Variants in MAGI2 observed in about 807,000 individuals in gnomAD.
The protein encoded by MAGI2 is membrane-associated guanylate kinase, WW and PDZ domain-containing protein 2.
A neutral mutation model predicts 133.3 loss-of-function variants in MAGI2; 35 were observed. The ratio of observed to expected loss-of-function variants is 0.26; its 90% CI spans 0.20 to 0.35. The LOEUF is 0.35. Among genes scored for constraint, MAGI2 ranks in the 10% least tolerant of loss-of-function variants. The pLI is 1.00. For synonymous variants in MAGI2, 729 were observed against 710.6 expected, an observed-to-expected ratio of 1.03 and a Z score of -0.41; for missense variants, 1,636 against 1,863.4, an observed-to-expected ratio of 0.88 and a Z score of 2.25.
chr7:78,252,342 A>T (rs917527086), intron 10 of MAGI2: 3 of 152,118 alleles, frequency 2.0e-5, no homozygotes, highest in Non-Finnish European at 2.9e-5. Context: ...ATGGAACAGA[A>T]TAGGGCATCT....
chr7:78,896,429 T>A (rs1797219660), intron 2 of MAGI2, among the ~76,000 whole-genome samples: 1 of 151,726 alleles, frequency 6.6e-6, no homozygotes, highest in Admixed American at 6.6e-5. Context: ...AAGCTCCTCA[T>A]TGTAAAATAA....
Position 78,323,740 on chromosome 7 carries a change from T to C in MAGI2, c.1408+20038A>G, listed in dbSNP as rs117516365. 3.9e-5 allele frequency among the ~76,000 whole-genome samples: 6 copies of C among 152,334 alleles called. No homozygotes were observed. In the East Asian group the frequency reaches 1.2e-3, roughly 29 times the overall value. On this transcript the variant is annotated intron_variant, in intron 9 of 21. Coordinates refer to ENST00000354212, the MANE Select transcript of MAGI2 (RefSeq NM_012301.4). Reference sequence around the variant, plus strand: ...TCTAAAATTGTGCTTAATTTGGTAATCTAAATGACATAAAAATTATTGCAT... The same window carrying C: ...TCTAAAATTGTGCTTAATTTGGTAACCTAAATGACATAAAAATTATTGCAT...
At chr7:78,021,743 G>C (rs1011106912) in intron 21 of MAGI2, among the ~76,000 whole-genome samples, 2 of 152,144 alleles carry the variant, frequency 1.3e-5, no homozygotes, top group Non-Finnish European at 2.9e-5. Flanking sequence ...TAGAAGTCCT[G>C]GAATCTAATC....
chr7:79,091,599 C>T (rs528228844), intron 1 of MAGI2, among the ~76,000 whole-genome samples: 1 of 151,772 alleles, frequency 6.6e-6, no homozygotes, highest in Non-Finnish European at 1.5e-5. Context: ...TACTATTTTA[C>T]ACATCTTTCT....
At chr7:78,100,684 T>C (rs1029567340) in intron 20 of MAGI2, among the ~76,000 whole-genome samples, 6 of 152,190 alleles carry the variant, frequency 3.9e-5, no homozygotes, top group African/African-American at 1.4e-4. Flanking sequence ...AAAGTTTGGG[T>C]ATGATGTTAG....
chr7:78,933,618 A>G (rs1348514732), intron 2 of MAGI2, among the ~76,000 whole-genome samples: 1 of 152,170 alleles, frequency 6.6e-6, no homozygotes, highest in Non-Finnish European at 1.5e-5. Flanking sequence ...CAATAGATAA[A>G]TAGCTGAGAT....
In MAGI2 at chr7:78,041,903, G is replaced by C. The variant is rs1466995193; in HGVS notation, c.3707-21927C>G. Among the ~76,000 whole-genome samples, 4 of 152,234 alleles carry C rather than the reference G, an allele frequency of 2.6e-5. No individual in the cohort carries two copies. The East Asian group carries it at 7.7e-4, about 29-fold the overall frequency. On this transcript the variant is annotated intron_variant, in intron 21 of 21. Transcript: ENST00000354212. ...GCTGCTGTCTGGGAGAGGTGAAGAGGTTTGGCATGGAGGAAATGAGCAGCT... is the reference window on the plus strand; with the variant it reads ...GCTGCTGTCTGGGAGAGGTGAAGAGCTTTGGCATGGAGGAAATGAGCAGCT...
chr7:78,536,900 G>T (rs1389675644), intron 3 of MAGI2, among the ~76,000 whole-genome samples: 1 of 151,630 alleles, frequency 6.6e-6, no homozygotes, highest in Non-Finnish European at 1.5e-5. Flanking sequence ...AGATTTTGGT[G>T]CACTCAGCAC....
intron 9 of MAGI2, among the ~76,000 whole-genome samples, chr7:78,339,075 A>T (rs1179251182): frequency 6.6e-6 from 1 of 152,214 alleles, no homozygotes; most frequent in Non-Finnish European, 1.5e-5. Context: ...GTTATTACGT[A>T]CCTATTATAT....
At chr7:78,320,744 T>C (rs1787911531) in intron 9 of MAGI2, among the ~76,000 whole-genome samples, 1 of 152,154 alleles carries the variant, frequency 6.6e-6, no homozygotes, top group Non-Finnish European at 1.5e-5. Flanking sequence ...ACCACTCTTA[T>C]TCAACATAGT....
intron 6 of MAGI2, among the ~76,000 whole-genome samples, chr7:78,384,451 C>T (rs7797465): frequency 0.015 from 2,312 of 152,208 alleles, 56 homozygotes; most frequent in African/African-American, 0.053. Flanking sequence ...TTTTACTCTA[C>T]CTAAACCCTC....
chr7:78,436,953 G>A (rs1347899449), intron 6 of MAGI2, among the ~76,000 whole-genome samples: 1 of 152,114 alleles, frequency 6.6e-6, no homozygotes, highest in Non-Finnish European at 1.5e-5. Context: ...GGGTGGCAGG[G>A]GCATGCAAAG....
intron 19 of MAGI2, among the ~76,000 whole-genome samples, chr7:78,126,325 A>G (rs1820982470): frequency 6.6e-6 from 1 of 152,142 alleles, no homozygotes; most frequent in Admixed American, 6.5e-5. Flanking sequence ...TGGAATGTAC[A>G]AAATCAATTT....
At chr7:78,852,897 A>G (rs564961207) in intron 2 of MAGI2, among the ~76,000 whole-genome samples, 5 of 152,164 alleles carry the variant, frequency 3.3e-5, no homozygotes, top group African/African-American at 1.2e-4. Context: ...AGACAAGATA[A>G]AATTCCTATA....
At chr7:78,131,323 G>C (rs886595) in intron 18 of MAGI2, among the ~76,000 whole-genome samples, 112,496 of 152,164 alleles carry the variant, frequency 0.74, 42,306 homozygotes, top group African/African-American at 0.88. Flanking sequence ...AACATAAGCA[G>C]CTGAGGACAA....
Position 78,220,756 on chromosome 7 carries a change from G to A in MAGI2, c.2048-19563C>T, listed in dbSNP as rs538547722. Among the ~76,000 whole-genome samples, 87 of 152,194 alleles carry A rather than the reference G, an allele frequency of 5.7e-4. 2 individuals carry two copies. The South Asian group carries it at 0.016, about 28-fold the overall frequency. On this transcript the variant is annotated intron_variant, in intron 10 of 21. Coordinates refer to ENST00000354212, the MANE Select transcript of MAGI2 (RefSeq NM_012301.4). ...CATCCATTTTTACAGAGGTGGAAGC[G>A]GAGCAATTTAATGATGTACCATGAA... is the stretch of plus-strand genomic sequence containing the variant.
chr7:78,092,977 T>C (rs556667639), intron 20 of MAGI2, among the ~76,000 whole-genome samples: 3 of 151,196 alleles, frequency 2.0e-5, no homozygotes, highest in East Asian at 3.9e-4. Flanking sequence ...ACTAAAGAAA[T>C]ACAAAAAAAT....
At chr7:79,274,017 C>G (rs1453843561) in intron 1 of MAGI2, among the ~76,000 whole-genome samples, 1 of 152,074 alleles carries the variant, frequency 6.6e-6, no homozygotes, top group East Asian at 1.9e-4. Flanking sequence ...TGCCATGGTT[C>G]TCAGCCTTGA....
chr7:78,481,336 A>G (rs2150459179), intron 6 of MAGI2, among the ~76,000 whole-genome samples: 1 of 151,984 alleles, frequency 6.6e-6, no homozygotes, highest in Non-Finnish European at 1.5e-5. Flanking sequence ...AGTGCAGGAA[A>G]AACTACCATT....
Sources: allele counts gnomAD v4.1 joint callset (sites outside exome capture counted in the v4.1 genomes callset), GRCh38; gene constraint gnomAD v4.1.1; transcripts MANE v1.5; gene names NCBI Gene and HGNC (gene_info 2026-07-23, HGNC 2026-07-21).